The following ABHD5 variants were observed in gnomAD, a reference collection of about 807,000 sequenced individuals.
ABHD5 encodes the protein abhydrolase domain containing 5, lysophosphatidic acid acyltransferase.
ABHD5 carries 30 observed loss-of-function variants against 44.9 expected under a neutral mutation model. That is an observed-to-expected ratio of 0.67 (90% confidence interval 0.50 to 0.91). The LOEUF is 0.91. Ranked by LOEUF, ABHD5 falls within the 40% of genes least tolerant of loss-of-function variation. The probability of loss-of-function intolerance (pLI) is 0.00; values close to 1 mark genes in which losing one functional copy is unlikely to be tolerated. For missense variants in ABHD5, 399 were observed against 423.4 expected, an observed-to-expected ratio of 0.94 and a Z score of 0.50; for synonymous variants, 167 against 147.0, an observed-to-expected ratio of 1.14 and a Z score of -0.99.
chr3:43,717,802 G>T lies in ABHD5; in HGVS notation c.905G>T (p.Gly302Val), dbSNP rs1238436196. 1.2e-6 allele frequency: 2 copies of T among 1,614,188 alleles called. No homozygotes were observed. The highest frequency in any genetic ancestry group is 3.3e-5 in the Admixed American group (2 of 60,022). The change falls in exon 6 of 7, where the codon GGC becomes GTC. Residue 302 changes from glycine to valine, a missense_variant. Transcript: ENST00000644371. Reference sequence around the variant, plus strand: ...TTTGGCGCCCGATCCTGCATAGATGGCAATTCTGGCACCAGCATCCAGTCC... The same window carrying T: ...TTTGGCGCCCGATCCTGCATAGATGTCAATTCTGGCACCAGCATCCAGTCC... ...VIFGARSCID[G>V]NSGTSIQSLR... is the part of the protein sequence containing the mutation.
chr3:43,728,477 T>G (rs888769658), intron 7 of ABHD5, among the ~76,000 whole-genome samples: 4 of 152,116 alleles, frequency 2.6e-5, no homozygotes, highest in Non-Finnish European at 5.9e-5. Flanking sequence ...AAATAACTCT[T>G]TAAGAGGTGA....
At chr3:43,731,941 T>C (rs1473138792) in intron 7 of ABHD5, among the ~76,000 whole-genome samples, 2 of 152,136 alleles carry the variant, frequency 1.3e-5, no homozygotes, top group Non-Finnish European at 2.9e-5. Context: ...CAGCGCCCCA[T>C]GCAGTTGCAC....
downstream of ABHD5, among the ~76,000 whole-genome samples, chr3:43,724,076 C>T (rs1321652060): frequency 5.3e-5 from 8 of 152,094 alleles, no homozygotes; most frequent in African/African-American, 1.9e-4. Flanking sequence ...AGCTGGGTGA[C>T]AGACACACAG....
At chr3:43,724,255 C>G (rs977638051), downstream of ABHD5, among the ~76,000 whole-genome samples, 1 of 151,962 alleles carries the variant, frequency 6.6e-6, no homozygotes, top group African/African-American at 2.4e-5. Context: ...GGAGGGAACC[C>G]TTGTGAATAA....
chr3:43,705,242 C>T (rs2084601232), intron 3 of ABHD5, among the ~76,000 whole-genome samples: 1 of 152,154 alleles, frequency 6.6e-6, no homozygotes, highest in Admixed American at 6.5e-5. Context: ...AAGAGCTGGT[C>T]ATGTCATATC....
At position 43,718,597 on chromosome 3, in the gene ABHD5, C is replaced by A; in HGVS notation, c.*65C>A. Reference sequence around the variant, plus strand: ...TAGTTGTTCAGCAATAATTCATAGTCTGTGATGAAGAGTAGTGAATACAAC... The same window carrying A: ...TAGTTGTTCAGCAATAATTCATAGTATGTGATGAAGAGTAGTGAATACAAC... On this transcript the variant is annotated 3_prime_UTR_variant, in exon 7 of 7. Transcript: ENST00000644371. 1 of 1,479,758 alleles carries A rather than the reference C, an allele frequency of 6.8e-7. No individual in the cohort carries two copies. Among genetic ancestry groups the A allele is most frequent in the South Asian group, 1.1e-5 (1 of 88,238 alleles). The allele number at this position is 1,479,758 out of a possible 1,614,324, so 91.7% of individuals were successfully genotyped here.
chr3:43,711,600 G>T, intron 3 of ABHD5, 109 bp from the exon 4 acceptor site: 2 of 1,254,550 alleles, frequency 1.6e-6, no homozygotes, highest in Non-Finnish European at 1.2e-6. Context: ...TTAACGTGAA[G>T]GTTTTTGAAG....
intron 3 of ABHD5, among the ~76,000 whole-genome samples, chr3:43,710,374 T>G (rs1255232376): frequency 6.6e-6 from 1 of 152,192 alleles, no homozygotes; most frequent in East Asian, 1.9e-4. Context: ...TAGCCTATTT[T>G]TAGAAAATAA....
At chr3:43,699,407 G>A (rs2084512368) in intron 2 of ABHD5, 46 bp downstream of exon 2, 2 of 1,503,284 alleles carry the variant, frequency 1.3e-6, no homozygotes, top group South Asian at 1.1e-5. Flanking sequence ...TACTAAGATA[G>A]GTCCAATATA....
chr3:43,732,221 A>G (rs990112463), intron 7 of ABHD5, among the ~76,000 whole-genome samples: 2 of 152,152 alleles, frequency 1.3e-5, no homozygotes, highest in African/African-American at 4.8e-5. Context: ...ACTTGAGATC[A>G]AGAGTTCAAG....
At chr3:43,708,184 C>T (rs2084646153) in intron 3 of ABHD5, among the ~76,000 whole-genome samples, 1 of 152,186 alleles carries the variant, frequency 6.6e-6, no homozygotes. Context: ...TCTGTTGTTC[C>T]TGCTCTGCTG....
intron 5 of ABHD5, among the ~76,000 whole-genome samples, chr3:43,716,575 A>G (rs1177170218): frequency 6.6e-6 from 1 of 152,104 alleles, no homozygotes; most frequent in African/African-American, 2.4e-5. Flanking sequence ...TTTTTAATAA[A>G]GTAGGTTAGA....
rs1045398502 is a variant in ABHD5 at position 43,718,380 on chromosome 3, A to G, written c.961-63A>G. The G allele has an allele frequency of 1.4e-5, 19 of 1,334,614 alleles. No homozygotes were observed. The African/African-American group carries it at 1.4e-4, about 10-fold the overall frequency. 82.7% of individuals were successfully genotyped at this position (1,334,614 alleles called of 1,614,324 possible). The stretch of plus-strand genomic sequence containing the variant: ...TTTATTACTAAGTGTCTTTGCTTAT[A>G]TATCATTCTGTTTTATTAAATGCTT... On this transcript the variant is annotated intron_variant, in intron 6 of 6. Coordinates refer to ENST00000644371, the MANE Select transcript of ABHD5 (RefSeq NM_016006.6).
Position 43,721,379 on chromosome 3 carries a change from G to A in ABHD5, c.*2847G>A, listed in dbSNP as rs941063129. ...ATGAATTATTGTATAATCTGACAGT[G>A]AGAAAAACTTTCCTAGGACTGAAAA... is the stretch of plus-strand genomic sequence containing the variant. On this transcript the variant is annotated 3_prime_UTR_variant, in exon 7 of 7. Transcript: ENST00000644371. 1 of 152,016 alleles carries A rather than the reference G, an allele frequency of 6.6e-6. No individual in the cohort carries two copies. The highest frequency in any genetic ancestry group is 2.4e-5 in the African/African-American group (1 of 41,410). 9.4% of individuals were successfully genotyped at this position (152,016 alleles called of 1,614,324 possible). A position where few individuals can be genotyped will look rare whatever the true frequency, so the allele number is the denominator to read the frequency against.
intron 1 of ABHD5, among the ~76,000 whole-genome samples, chr3:43,696,678 A>G (rs2084477409): frequency 6.6e-6 from 1 of 152,208 alleles, no homozygotes; most frequent in African/African-American, 2.4e-5. Context: ...ACTCATTGGA[A>G]ATGTTCCTTG....
At chr3:43,698,647 GT>G (rs1315018726) in intron 1 of ABHD5, among the ~76,000 whole-genome samples, 1 of 152,098 alleles carries the variant, frequency 6.6e-6, no homozygotes. Context: ...GGATGCTTTG[GT>G]CGTTCTGTTC....
At chr3:43,691,667 T>G (rs2084389269) in intron 1 of ABHD5, 1 of 151,528 alleles carries the variant, frequency 6.6e-6, no homozygotes, top group Non-Finnish European at 1.5e-5. Context: ...GGAGAAGGAG[T>G]GAGGGAAGTG....
intron 1 of ABHD5, chr3:43,691,446 C>G (rs1308235378): frequency 3.1e-5 from 5 of 160,108 alleles, no homozygotes; most frequent in African/African-American, 1.2e-4. Flanking sequence ...CGACCCTGCA[C>G]CTGACTGCGA....
At chr3:43,706,250 C>T (rs964640982) in intron 3 of ABHD5, among the ~76,000 whole-genome samples, 3 of 152,308 alleles carry the variant, frequency 2.0e-5, no homozygotes, top group Middle Eastern at 6.8e-3. Flanking sequence ...TACTCGTGCT[C>T]ATCCAGCTTG....
Sources: allele counts gnomAD v4.1 joint callset (sites outside exome capture counted in the v4.1 genomes callset), GRCh38; gene constraint gnomAD v4.1.1; transcripts MANE v1.5; gene names NCBI Gene and HGNC (gene_info 2026-07-23, HGNC 2026-07-21).